The following CNGA1 variants were observed in gnomAD, a reference collection of about 807,000 sequenced individuals.
The protein encoded by CNGA1 is cyclic nucleotide gated channel subunit alpha 1, also known as cyclic nucleotide-gated channel alpha-1.
A neutral mutation model predicts 69.7 loss-of-function variants in CNGA1; 53 were observed. The observed-to-expected ratio is 0.76, with a 90% CI of 0.61 to 0.96. The LOEUF (loss-of-function observed/expected upper bound fraction) is 0.96, where lower values mean the gene tolerates loss of function less well. Among genes scored for constraint, CNGA1 ranks in the 40% least tolerant of loss-of-function variants. CNGA1 has a pLI of 0.00. For missense variants in CNGA1, 739 were observed against 811.2 expected, an observed-to-expected ratio of 0.91 and a Z score of 1.08; for synonymous variants, 249 against 283.5, an observed-to-expected ratio of 0.88 and a Z score of 1.22.
chr4:47,937,117 A>G lies in CNGA1; in HGVS notation c.1365T>C (p.Asp455=), dbSNP rs769089133. ...TGATGGCAATTTCTGCTCTTAGTTT[A>G]TCAGGTAGATACTTTAAGACTTCTT... ...DEKEVLKYLP[D]KLRAEIAINV... Residue 455 remains aspartate (D), a synonymous_variant, in exon 11 of 11, where the codon GAT becomes GAC. Transcript: ENST00000514170. The G allele has an allele frequency of 3.7e-6, 6 of 1,614,082 alleles. No homozygotes were observed. The highest frequency in any genetic ancestry group is 5.1e-6 in the Non-Finnish European group (6 of 1,180,048).
At chr4:47,974,308 CTTTGTT>C (rs1249275580) in intron 3 of CNGA1, among the ~76,000 whole-genome samples, 1 of 151,888 alleles carries the variant, frequency 6.6e-6, no homozygotes, top group Admixed American at 6.6e-5. Flanking sequence ...TTGTTTTCTT[CTTTGTT>C]TTTATCTATA....
Position 47,937,043 on chromosome 4 carries a change from T to C in CNGA1, c.1439A>G (p.Glu480Gly). ...LKKVRIFADCEAGLLVELVLK... is the reference protein window; with the variant it reads ...LKKVRIFADCGAGLLVELVLK... ...GACCAACTCCACCAACAGACCAGCT[T>C]CACAATCAGCAAAAATGCGTACCTT... The change falls in exon 11 of 11, where the codon GAA becomes GGA. Residue 480 changes from glutamate to glycine, a missense_variant. Physicochemically the swap from Glu to Gly is moderately conservative, Grantham distance 98. Transcript: ENST00000514170. 6.2e-7 allele frequency: 1 copy of C among 1,614,210 alleles called. No homozygotes were observed.
At chr4:48,013,342 GAC>G (rs1715247805) in intron 1 of CNGA1, among the ~76,000 whole-genome samples, 1 of 152,204 alleles carries the variant, frequency 6.6e-6, no homozygotes, top group Admixed American at 6.5e-5. Context: ...ACAACCCCAT[GAC>G]ACAGCCTCAG....
chr4:47,976,149 GTATATATA>G (rs58349297), intron 3 of CNGA1, among the ~76,000 whole-genome samples: 4,323 of 23,022 alleles, frequency 0.19, 476 homozygotes, highest in Non-Finnish European at 0.24. Context: ...ACTTTCATAT[GTATATATA>G]TATATATATA....
chr4:47,974,506 G>C (rs557825679), intron 3 of CNGA1, among the ~76,000 whole-genome samples: 105 of 152,240 alleles, frequency 6.9e-4, no homozygotes, highest in African/African-American at 2.5e-3. Flanking sequence ...CTGGACATTT[G>C]TGTCAGCACC....
intron 3 of CNGA1, among the ~76,000 whole-genome samples, chr4:47,953,514 T>C (rs1739869749): frequency 1.3e-5 from 2 of 152,160 alleles, no homozygotes; most frequent in South Asian, 2.1e-4. Context: ...AGAGATAAAA[T>C]TGATCACATT....
intron 2 of CNGA1, among the ~76,000 whole-genome samples, chr4:47,988,064 G>A (rs1374713764): frequency 6.6e-6 from 1 of 152,162 alleles, no homozygotes; most frequent in East Asian, 1.9e-4. Flanking sequence ...AGACCAGGTT[G>A]GTACAGGTGG....
At position 47,937,784 on chromosome 4, in the gene CNGA1, A is replaced by G. The variant is rs1578061625; in HGVS notation, c.698T>C (p.Ile233Thr). 1 of 1,613,424 alleles carries G rather than the reference A, an allele frequency of 6.2e-7. No individual in the cohort carries two copies. ...TTGCAAGTTGGATTTATATTTATTT[A>G]TGAGTTTAAGTTCTTCCTTTACCAG... is the stretch of plus-strand genomic sequence containing the variant. ...GLLVKEELKL[I>T]NKYKSNLQFK... The change falls in exon 11 of 11, where the codon ATA (isoleucine) becomes ACA (threonine). Residue 233 changes from isoleucine (I) to threonine (T), a missense_variant. By Grantham distance (89) the Ile-to-Thr change is moderately conservative (BLOSUM62 -1). Coordinates refer to ENST00000514170, the MANE Select transcript of CNGA1 (RefSeq NM_001379270.1).
intron 6 of CNGA1, among the ~76,000 whole-genome samples, chr4:47,946,451 A>T (rs1439545005): frequency 2.6e-5 from 4 of 152,234 alleles, no homozygotes; most frequent in African/African-American, 9.6e-5. Flanking sequence ...GTACACACCT[A>T]CACTCTTTTC....
At chr4:47,984,640 T>TA (rs1553868839) in intron 2 of CNGA1, among the ~76,000 whole-genome samples, 7,736 of 103,572 alleles carry the variant, frequency 0.075, 733 homozygotes, top group African/African-American at 0.22. Context: ...AACAAACAAA[T>TA]AAAAAAAATA....
chr4:47,978,754 T>C (rs1158965917), intron 3 of CNGA1, among the ~76,000 whole-genome samples: 1 of 152,296 alleles, frequency 6.6e-6, no homozygotes, highest in East Asian at 1.9e-4. Context: ...CTCCTTGACT[T>C]CTTGTTTCAG....
chr4:47,991,175 G>A (rs969482617), intron 2 of CNGA1, among the ~76,000 whole-genome samples: 2 of 152,296 alleles, frequency 1.3e-5, no homozygotes, highest in East Asian at 1.9e-4. Flanking sequence ...TAGATACCGA[G>A]TACTGGGATT....
chr4:47,984,647 A>AAAAAATATATAT (rs141458781), intron 2 of CNGA1, among the ~76,000 whole-genome samples: 31 of 64,480 alleles, frequency 4.8e-4, no homozygotes, highest in Non-Finnish European at 1.2e-3. Context: ...AAATAAAAAA[A>AAAAAATATATAT]ATATATATAT....
rs1577619128 is a variant in CNGA1, at chr4:48,016,680, C to A, written c.-420G>T. 1.6e-6 allele frequency: 1 copy of A among 624,786 alleles called. No homozygotes were observed. The highest frequency in any genetic ancestry group is 2.6e-6 in the Non-Finnish European group (1 of 380,296). The allele number at this position is 624,786 out of a possible 1,614,324, so 38.7% of individuals were successfully genotyped here. A position where few individuals can be genotyped will look rare whatever the true frequency, so the allele number is the denominator to read the frequency against. On this transcript the variant is annotated 5_prime_UTR_variant, in exon 1 of 11. Transcript: ENST00000514170. ...CCCGGGCAGCAGGGCTCGGCTGGCG[C>A]TGAGGCCCCGCCTGGCCATGCCCAT...
chr4:47,945,183 C>T lies in CNGA1; in HGVS notation c.288-1771G>A, dbSNP rs186328030. On this transcript the variant is annotated intron_variant, in intron 6 of 10. Coordinates refer to ENST00000514170, the MANE Select transcript of CNGA1 (RefSeq NM_001379270.1). Reference sequence around the variant, plus strand: ...TTCAAGACCAGCCCGGGCAACATAGCAAGACCCCATCTCAAAAAATAAATT... The same window carrying T: ...TTCAAGACCAGCCCGGGCAACATAGTAAGACCCCATCTCAAAAAATAAATT... Among the ~76,000 whole-genome samples, 7 of 152,038 alleles carry T rather than the reference C, an allele frequency of 4.6e-5. No homozygotes were observed. In the East Asian group the frequency reaches 1.4e-3, roughly 29 times the overall value.
chr4:47,971,164 ATATT>A (rs1740999579), intron 3 of CNGA1: 1 of 415,034 alleles, frequency 2.4e-6, no homozygotes, highest in Non-Finnish European at 4.6e-6. Flanking sequence ...GTAAATATCT[ATATT>A]TGTGTGTGTG....
chr4:47,968,061 C>A (rs1740820305), intron 3 of CNGA1, among the ~76,000 whole-genome samples: 1 of 152,066 alleles, frequency 6.6e-6, no homozygotes, highest in South Asian at 2.1e-4. Context: ...GAGTTCTCTG[C>A]CAGTTGGATA....
At chr4:47,949,375 A>T (rs1739610069) in intron 6 of CNGA1, among the ~76,000 whole-genome samples, 1 of 152,198 alleles carries the variant, frequency 6.6e-6, no homozygotes, top group Admixed American at 6.5e-5. Flanking sequence ...AGAGAATCAC[A>T]TTGTACATCA....
intron 3 of CNGA1, among the ~76,000 whole-genome samples, chr4:47,955,721 C>T (rs369812539): frequency 1.1e-4 from 17 of 152,328 alleles, no homozygotes; most frequent in African/African-American, 3.4e-4. Flanking sequence ...TTGCTTCCTT[C>T]TCTTCTCTGC....
Sources: gnomAD v4.1 joint callset for allele counts (sites outside exome capture counted in the v4.1 genomes callset) on GRCh38, gnomAD v4.1.1 for gene constraint, MANE v1.5 for transcripts, NCBI Gene and HGNC (gene_info 2026-07-23, HGNC 2026-07-21) for gene names.